DLGAP4: variants seen among roughly 807,000 people sequenced by gnomAD.
The protein encoded by DLGAP4 is DLG associated protein 4, also known as disks large-associated protein 4.
In DLGAP4, 18 loss-of-function variants were observed where a neutral mutation model predicts 86.9. The ratio of observed to expected loss-of-function variants is 0.21; its 90% confidence interval spans 0.14 to 0.31. DLGAP4 has a LOEUF of 0.31. Ranked by LOEUF, DLGAP4 falls within the 10% of genes least tolerant of loss-of-function variation. The pLI is 1.00. For missense variants in DLGAP4, 1,085 were observed against 1,362.6 expected (o/e 0.80, Z 3.21); for synonymous variants, 548 against 574.3 (o/e 0.95, Z 0.65).
intron 6 of DLGAP4, 110 bp downstream of exon 6, chr20:36,442,887 C>T: frequency 6.9e-7 from 1 of 1,444,106 alleles, no homozygotes; most frequent in Non-Finnish European, 9.7e-7. Flanking sequence ...ACAAGCAGAG[C>T]CATCACCAGG....
intron 7 of DLGAP4, among the ~76,000 whole-genome samples, chr20:36,468,119 C>G (rs2034499791): frequency 6.6e-6 from 1 of 152,196 alleles, no homozygotes; most frequent in Admixed American, 6.5e-5. Context: ...TTTAGAATTC[C>G]TTAAAGGTGG....
intron 1 of DLGAP4, among the ~76,000 whole-genome samples, chr20:36,352,547 AG>A (rs2030194272): frequency 6.6e-6 from 1 of 152,082 alleles, no homozygotes; most frequent in Admixed American, 6.5e-5. Flanking sequence ...GGCGAGAGAG[AG>A]GAGTCCAGGA....
intron 2 of DLGAP4, among the ~76,000 whole-genome samples, chr20:36,376,881 C>T (rs1005018778): frequency 6.6e-5 from 10 of 152,090 alleles, no homozygotes; most frequent in African/African-American, 2.2e-4. Context: ...GGGAGGAGAG[C>T]GTGTCAAGGG....
chr20:36,467,551 G>A (rs1422858393), intron 7 of DLGAP4, among the ~76,000 whole-genome samples: 7 of 152,198 alleles, frequency 4.6e-5, no homozygotes, highest in African/African-American at 1.7e-4. Context: ...ACTTTCCAGA[G>A]GATGAATCAG....
chr20:36,412,669 C>T (rs977054785), intron 2 of DLGAP4, among the ~76,000 whole-genome samples: 5 of 152,182 alleles, frequency 3.3e-5, no homozygotes, highest in African/African-American at 1.2e-4. Flanking sequence ...AAACAAAGTG[C>T]TTACGTGTAT....
chr20:36,508,419 G>GTTTTTTTTTGTT (rs1569523131), intron 10 of DLGAP4: 1 of 134,604 alleles, frequency 7.4e-6, no homozygotes, highest in Admixed American at 7.3e-5. Context: ...ATGTTTCAGG[G>GTTTTTTTTTGTT]TTCTTTTTTT....
In DLGAP4 at chr20:36,345,423, G is replaced by A. The variant is rs868987490; in HGVS notation, c.-303-21622G>A. ...TGGTACACACTGTGGCAGATAGAGC[G>A]TTGGCTCTGGGGCCAGCTGGCCTAA... On this transcript the variant is annotated intron_variant, in intron 1 of 12. Transcript: ENST00000339266. Among the ~76,000 whole-genome samples the A allele has an allele frequency of 3.5e-4, 54 of 152,230 alleles. 1 individual carries two copies. The highest frequency in any genetic ancestry group is 9.6e-4 in the African/African-American group (40 of 41,464).
rs554379851 is a variant in DLGAP4 at position 36,392,126 on chromosome 20, A to G, written c.-73+24851A>G. Reference sequence around the variant, plus strand: ...AGTGAGGCAGCAGGGATGGAAAGCCAGTGAGCTGGGGGGCAGGAGCTGTTG... The same window carrying G: ...AGTGAGGCAGCAGGGATGGAAAGCCGGTGAGCTGGGGGGCAGGAGCTGTTG... On this transcript the variant is annotated intron_variant, in intron 2 of 12. Transcript: ENST00000339266. 8.5e-5 allele frequency among the ~76,000 whole-genome samples: 13 copies of G among 152,326 alleles called. No homozygotes were observed. In the South Asian group the frequency reaches 2.7e-3, roughly 32 times the overall value.
chr20:36,429,386 GTTTCTTTT>G (rs1179447468), intron 2 of DLGAP4, among the ~76,000 whole-genome samples: 4 of 121,022 alleles, frequency 3.3e-5, no homozygotes, highest in African/African-American at 9.4e-5. Context: ...GCCCATTCCT[GTTTCTTTT>G]TTTCTTTTTT....
chr20:36,459,958 A>G (rs961571271), intron 7 of DLGAP4, among the ~76,000 whole-genome samples: 18 of 152,206 alleles, frequency 1.2e-4, no homozygotes, highest in African/African-American at 4.1e-4. Context: ...CAGGGTGTCA[A>G]TCACGGTCCA....
chr20:36,331,824 C>T (rs958460877), intron 1 of DLGAP4, among the ~76,000 whole-genome samples: 3 of 152,250 alleles, frequency 2.0e-5, no homozygotes, highest in Admixed American at 2.0e-4. Context: ...CAGGGAGGGC[C>T]TCTCTGGGGA....
chr20:36,442,793 C>G lies in DLGAP4; in HGVS notation c.1407+16C>G. On this transcript the variant is annotated intron_variant, in intron 6 of 12. Transcript: ENST00000339266. ...TGAGCAGCAGGTCAGTATGTTTGCCCTTCTCTTCCACCCCAATCCCAGAGT... is the reference window on the plus strand; with the variant it reads ...TGAGCAGCAGGTCAGTATGTTTGCCGTTCTCTTCCACCCCAATCCCAGAGT... 6.2e-7 allele frequency: 1 copy of G among 1,614,208 alleles called. No individual in the cohort carries two copies. Among genetic ancestry groups the G allele is most frequent in the Non-Finnish European group, 8.5e-7 (1 of 1,180,036 alleles).
chr20:36,484,815 G>A (rs996640954), intron 7 of DLGAP4, among the ~76,000 whole-genome samples: 18 of 152,254 alleles, frequency 1.2e-4, no homozygotes, highest in African/African-American at 3.1e-4. Context: ...TGATAGACTC[G>A]TGTGCCATGG....
intron 1 of DLGAP4, among the ~76,000 whole-genome samples, chr20:36,348,022 C>A (rs1391424839): frequency 6.6e-6 from 1 of 152,174 alleles, no homozygotes; most frequent in East Asian, 1.9e-4. Context: ...CTCCACCCAT[C>A]TTATCCACAT....
At chr20:36,352,356 G>C (rs1245470194) in intron 1 of DLGAP4, among the ~76,000 whole-genome samples, 9 of 151,892 alleles carry the variant, frequency 5.9e-5, no homozygotes, top group African/African-American at 2.2e-4. Context: ...TCTGGCTGCA[G>C]TGTGGAGACT....
intron 7 of DLGAP4, among the ~76,000 whole-genome samples, chr20:36,477,203 C>G (rs1307563690): frequency 6.6e-6 from 1 of 151,500 alleles, no homozygotes; most frequent in Non-Finnish European, 1.5e-5. Context: ...CCAAGTGATT[C>G]TCCTGCCTCA....
chr20:36,432,326 C>G lies in DLGAP4; in HGVS notation c.609C>G (p.Gly203=), dbSNP rs150815916. The stretch of plus-strand genomic sequence containing the variant: ...GGCGCAGCCGCTCCAACATCTCAGG[C>G]TGGTGGAGCTCCGATGACAACTTGG... ...PKRRSRSNIS[G]WWSSDDNLDG... Residue 203 remains glycine (G), a synonymous_variant, in exon 3 of 13, where the codon GGC becomes GGG. Coordinates refer to ENST00000339266, the MANE Select transcript of DLGAP4 (RefSeq NM_001365621.2). This position sits in a 1 kb window ranked among gnomAD's most constrained non-coding sequence, Gnocchi z 6.5. 1 of 1,613,790 alleles carries G rather than the reference C, an allele frequency of 6.2e-7. No homozygotes were observed. The highest frequency in any genetic ancestry group is 1.3e-5 in the African/African-American group (1 of 75,076).
At chr20:36,499,739 C>T in intron 9 of DLGAP4, 63 bp downstream of exon 9, 3 of 1,427,764 alleles carry the variant, frequency 2.1e-6, no homozygotes, top group Non-Finnish European at 2.9e-6. Context: ...GCTCTCACCT[C>T]TCCTGCTCTC....
chr20:36,499,068 G>C (rs1319250241), intron 8 of DLGAP4: 1 of 635,002 alleles, frequency 1.6e-6, no homozygotes, highest in African/African-American at 1.8e-5. Flanking sequence ...CCTTAGTGCA[G>C]GCGCCTCTGG....
Sources: gnomAD v4.1 joint callset for allele counts (sites outside exome capture counted in the v4.1 genomes callset) on GRCh38, gnomAD v4.1.1 for gene constraint, Gnocchi (gnomAD v3.1) non-coding constraint, MANE v1.5 for transcripts, NCBI Gene and HGNC (gene_info 2026-07-23, HGNC 2026-07-21) for gene names.